DUSP5: variants seen among roughly 807,000 people sequenced by gnomAD.
DUSP5 encodes the protein dual specificity phosphatase 5, also known as dual specificity protein phosphatase 5.
DUSP5 carries 22 observed loss-of-function variants against 33.6 expected under a neutral mutation model. That is an observed-to-expected ratio of 0.66 (90% CI 0.47 to 0.94). DUSP5 has a LOEUF of 0.94. DUSP5 is among the 40% of genes least tolerant of loss of function. The probability of loss-of-function intolerance (pLI) is 0.00; values close to 1 mark genes in which losing one functional copy is unlikely to be tolerated. For synonymous variants in DUSP5, 270 were observed against 231.1 expected, an observed-to-expected ratio of 1.17 and a Z score of -1.53; for missense variants, 551 against 522.1, an observed-to-expected ratio of 1.06 and a Z score of -0.54.
In DUSP5 at chr10:110,510,543, G is replaced by T; in HGVS notation, c.*117G>T. 7.6e-7 allele frequency: 1 copy of T among 1,313,036 alleles called. No individual in the cohort carries two copies. Among genetic ancestry groups the T allele is most frequent in the African/African-American group, 1.5e-5 (1 of 67,282 alleles). The allele number at this position is 1,313,036 out of a possible 1,614,324, so 81.3% of individuals were successfully genotyped here. A position where few individuals can be genotyped will look rare whatever the true frequency, so the allele number is the denominator to read the frequency against. On this transcript the variant is annotated 3_prime_UTR_variant, in exon 4 of 4. Transcript: ENST00000369583. ...GACCTCATTCTGTCATGCTGCCCCA[G>T]TGAGATAGTGAGTGGTCACCAGGCT...
chr10:110,503,507 C>T (rs1860082488), intron 2 of DUSP5: 1 of 152,058 alleles, frequency 6.6e-6, no homozygotes, highest in African/African-American at 2.4e-5. Flanking sequence ...TTTTGTTTTT[C>T]TTCTAAAAAT....
At chr10:110,504,619 C>T (rs1860096767) in intron 2 of DUSP5, among the ~76,000 whole-genome samples, 2 of 152,166 alleles carry the variant, frequency 1.3e-5, no homozygotes, top group South Asian at 4.1e-4. Flanking sequence ...AACTCTGACT[C>T]CTTTCCAAAG....
At chr10:110,507,192 C>T (rs1193047223) in intron 3 of DUSP5, 38 bp downstream of exon 3, 3 of 1,587,924 alleles carry the variant, frequency 1.9e-6, no homozygotes, top group African/African-American at 2.7e-5. Context: ...TTTTGGGAGC[C>T]CCTTTGGGGC....
rs1394755721 is a variant in DUSP5 at position 110,510,677 on chromosome 10, C to G, written c.*251C>G. The G allele has an allele frequency of 1.5e-5, 7 of 462,164 alleles. No homozygotes were observed. Among genetic ancestry groups the G allele is most frequent in the Non-Finnish European group, 2.3e-5 (6 of 264,910 alleles). 28.6% of individuals were successfully genotyped at this position (462,164 alleles called of 1,614,324 possible). A position where few individuals can be genotyped will look rare whatever the true frequency, so the allele number is the denominator to read the frequency against. ...GACTACTGTACTTCCAGACCCCTGC[C>G]CTCTTGGGACTGCCCAGTCCTTGCA... On this transcript the variant is annotated 3_prime_UTR_variant, in exon 4 of 4. Transcript: ENST00000369583.
chr10:110,510,327 C>T lies in DUSP5; in HGVS notation c.1056C>T (p.Ala352=). 1.2e-6 allele frequency: 2 copies of T among 1,614,220 alleles called. No individual in the cohort carries two copies. The highest frequency in any genetic ancestry group is 1.1e-5 in the South Asian group (1 of 91,088). Residue 352 remains alanine (A), a synonymous_variant, in exon 4 of 4, where the codon GCC becomes GCT. Transcript: ENST00000369583. ...LQTLSPDMQG[A]YCTFPASVLA... ...CACTGAGCCCTGACATGCAGGGTGC[C>T]TACTGCACATTCCCTGCCTCGGTGC...
rs371109451 is a variant in DUSP5 at position 110,510,410 on chromosome 10, C to G, written c.1139C>G (p.Thr380Arg). The G allele has an allele frequency of 2.1e-5, 33 of 1,591,360 alleles. 1 individual carries two copies. Among genetic ancestry groups the G allele is most frequent in the East Asian group, 1.6e-4 (7 of 44,016 alleles). ...VSELSRSPVA[T>R]ATSC is the part of the protein sequence containing the mutation. ...GAGCTCAGCAGAAGCCCTGTGGCAA[C>G]GGCCACATCCTGCTAAAACTGGGAT... The change falls in exon 4 of 4, where the codon ACG (threonine) becomes AGG (arginine). Residue 380 changes from threonine to arginine, a missense_variant. By Grantham distance (71) the Thr-to-Arg change is moderately conservative (BLOSUM62 -1). Coordinates refer to ENST00000369583, the MANE Select transcript of DUSP5 (RefSeq NM_004419.4).
At position 110,510,493 on chromosome 10, in the gene DUSP5, C is replaced by T. The variant is rs1320048807; in HGVS notation, c.*67C>T. 4 of 1,457,714 alleles carry T rather than the reference C, an allele frequency of 2.7e-6. No homozygotes were observed. The Admixed American group carries it at 7.3e-5, about 27-fold the overall frequency. 90.3% of individuals were successfully genotyped at this position (1,457,714 alleles called of 1,614,324 possible). On this transcript the variant is annotated 3_prime_UTR_variant, in exon 4 of 4. Transcript: ENST00000369583. Reference sequence around the variant, plus strand: ...GATTTTTGTTTTTAAGACTCATGGACATTTCATACCTGTGCAATACTGAAG... The same window carrying T: ...GATTTTTGTTTTTAAGACTCATGGATATTTCATACCTGTGCAATACTGAAG...
intron 1 of DUSP5, among the ~76,000 whole-genome samples, chr10:110,501,381 G>A (rs1164235804): frequency 2.0e-5 from 3 of 152,156 alleles, no homozygotes; most frequent in African/African-American, 7.2e-5. Flanking sequence ...GTGACCACAG[G>A]GGAGATCTGG....
chr10:110,510,452 C>T lies in DUSP5; in HGVS notation c.*26C>T, dbSNP rs959789119. Reference sequence around the variant, plus strand: ...AACTGGGATGGAGGAATCGGCCCAGCCCCAAGAGCAACTGTGATTTTTGTT... The same window carrying T: ...AACTGGGATGGAGGAATCGGCCCAGTCCCAAGAGCAACTGTGATTTTTGTT... On this transcript the variant is annotated 3_prime_UTR_variant, in exon 4 of 4. Transcript: ENST00000369583. 3.3e-6 allele frequency: 5 copies of T among 1,524,836 alleles called. No individual in the cohort carries two copies. Among genetic ancestry groups the T allele is most frequent in the Non-Finnish European group, 4.4e-6 (5 of 1,133,504 alleles). The allele number at this position is 1,524,836 out of a possible 1,614,324, so 94.5% of individuals were successfully genotyped here. A position where few individuals can be genotyped will look rare whatever the true frequency, so the allele number is the denominator to read the frequency against.
chr10:110,507,215 C>T, intron 3 of DUSP5, 61 bp downstream of exon 3: 1 of 1,515,946 alleles, frequency 6.6e-7, no homozygotes, highest in South Asian at 1.2e-5. Context: ...GTGTTCTTGA[C>T]TTTTGATGCC....
chr10:110,498,086 CGCGGCGCGGGGCCGCTGGCCGGCGGCG>C lies in DUSP5; in HGVS notation c.-29_-3del. 4 of 1,167,426 alleles carry C rather than the reference CGCGGCGCGGGGCCGCTGGCCGGCGGCG, an allele frequency of 3.4e-6. No individual in the cohort carries two copies. The South Asian group carries it at 1.5e-4, about 43-fold the overall frequency. 72.3% of individuals were successfully genotyped at this position (1,167,426 alleles called of 1,614,324 possible). ...CCTGGCCGTGGGCACCCGCGGGGCG[CGCGGCGCGGGGCCGCTGGCCGGCGGCG>C]GCGGCGGCATGAAGGTCACGTCGCT... On this transcript the variant is annotated 5_prime_UTR_variant, in exon 1 of 4. Coordinates refer to ENST00000369583, the MANE Select transcript of DUSP5 (RefSeq NM_004419.4).
rs1290662966 is a variant in DUSP5, at chr10:110,510,390, C to A, written c.1119C>A (p.Leu373=). ...CTACCCACTCAACAGTCTCAGAGCT[C>A]AGCAGAAGCCCTGTGGCAACGGCCA... is the stretch of plus-strand genomic sequence containing the variant. ...PVPTHSTVSE[L]SRSPVATATS... Residue 373 remains leucine, a synonymous_variant, in exon 4 of 4, where the codon CTC becomes CTA. Transcript: ENST00000369583. The A allele has an allele frequency of 2.5e-6, 4 of 1,607,420 alleles. No homozygotes were observed. The highest frequency in any genetic ancestry group is 1.3e-5 in the African/African-American group (1 of 74,758).
intron 2 of DUSP5, 34 bp from the exon 3 acceptor site, chr10:110,506,901 A>T: frequency 6.2e-7 from 1 of 1,604,534 alleles, no homozygotes; most frequent in Non-Finnish European, 8.5e-7. Context: ...AGCTAATCCA[A>T]TATTTCCTGA....
rs77749205 is a variant in DUSP5, at chr10:110,510,562, C to T, written c.*136C>T. 1.9e-3 allele frequency: 2,410 copies of T among 1,247,256 alleles called. 33 individuals are homozygous for T. The African/African-American group carries it at 0.032, about 17-fold the overall frequency. 77.3% of individuals were successfully genotyped at this position (1,247,256 alleles called of 1,614,324 possible). A position where few individuals can be genotyped will look rare whatever the true frequency, so the allele number is the denominator to read the frequency against. ...GCCCCAGTGAGATAGTGAGTGGTCACCAGGCTTGCAAATGAACTTCAGACG... is the reference window on the plus strand; with the variant it reads ...GCCCCAGTGAGATAGTGAGTGGTCATCAGGCTTGCAAATGAACTTCAGACG... On this transcript the variant is annotated 3_prime_UTR_variant, in exon 4 of 4. Coordinates refer to ENST00000369583, the MANE Select transcript of DUSP5 (RefSeq NM_004419.4).
At chr10:110,506,878 T>G in intron 2 of DUSP5, 57 bp from the exon 3 acceptor site, 1 of 1,568,610 alleles carries the variant, frequency 6.4e-7, no homozygotes, top group Non-Finnish European at 8.8e-7. Context: ...TTTTTTCCTC[T>G]CTCAAATGAA....
Position 110,502,873 on chromosome 10 carries a change from C to T in DUSP5, c.528+4C>T, listed in dbSNP as rs12250426. On this transcript the variant is annotated splice_donor_region_variant and intron_variant, in intron 2 of 3. Transcript: ENST00000369583. ...CTACAGGCCAGCTTATGACCAGGTA[C>T]GTGATGTGATGGGGAAGAGGTATCC... 2.5e-3 allele frequency: 3,973 copies of T among 1,614,088 alleles called. 83 individuals carry two copies. In the African/African-American group the frequency reaches 0.045, roughly 18 times the overall value.
chr10:110,505,277 T>C (rs1860104485), intron 2 of DUSP5, among the ~76,000 whole-genome samples: 3 of 152,228 alleles, frequency 2.0e-5, no homozygotes, highest in Admixed American at 2.0e-4. Context: ...GGACAAGTTA[T>C]TAAATGCATC....
chr10:110,506,699 C>T (rs1860123458), intron 2 of DUSP5, among the ~76,000 whole-genome samples: 1 of 152,158 alleles, frequency 6.6e-6, no homozygotes. Context: ...AAAGTGAACT[C>T]TTTGCTGTGT....
At chr10:110,509,214 G>A (rs1453479907) in intron 3 of DUSP5, among the ~76,000 whole-genome samples, 6 of 152,210 alleles carry the variant, frequency 3.9e-5, no homozygotes, top group Non-Finnish European at 8.8e-5. Flanking sequence ...GGGGCTGGGA[G>A]GTAGAACAGG....
Sources: allele counts gnomAD v4.1 joint callset (sites outside exome capture counted in the v4.1 genomes callset), GRCh38; gene constraint gnomAD v4.1.1; transcripts MANE v1.5; gene names NCBI Gene and HGNC (gene_info 2026-07-23, HGNC 2026-07-21).